The following DIAPH3 variants were observed in gnomAD, a reference collection of about 807,000 sequenced individuals.
DIAPH3 encodes the protein diaphanous related formin 3, also known as protein diaphanous homolog 3.
Under a neutral mutation model 144.3 loss-of-function variants are expected in DIAPH3, and 117 were observed. The observed-to-expected ratio is 0.81, with a 90% CI of 0.70 to 0.95. The LOEUF (loss-of-function observed/expected upper bound fraction) is 0.95, where lower values mean the gene tolerates loss of function less well. DIAPH3 is among the 40% of genes least tolerant of loss of function. DIAPH3 has a pLI of 0.00. For missense variants in DIAPH3, 1,421 were observed against 1,412.7 expected (o/e 1.01, Z -0.09); for synonymous variants, 519 against 488.9 (o/e 1.06, Z -0.81).
intron 20 of DIAPH3, among the ~76,000 whole-genome samples, chr13:59,905,743 G>C (rs1162986234): frequency 1.3e-5 from 2 of 152,150 alleles, no homozygotes; most frequent in Admixed American, 6.5e-5. Context: ...AGGAGGGTCA[G>C]AGAAGGGGTT....
chr13:59,924,028 C>T (rs1293785130), intron 18 of DIAPH3, among the ~76,000 whole-genome samples: 1 of 152,160 alleles, frequency 6.6e-6, no homozygotes, highest in Non-Finnish European at 1.5e-5. Context: ...AGACTAAAAA[C>T]CATGTTAATT....
At chr13:59,834,880 TTC>T (rs1190475523) in intron 23 of DIAPH3, among the ~76,000 whole-genome samples, 3 of 151,762 alleles carry the variant, frequency 2.0e-5, no homozygotes, top group Non-Finnish European at 4.4e-5. Context: ...TCTCATGAAT[TTC>T]TACTAGAATC....
At chr13:59,801,964 TC>T (rs2039921510) in intron 25 of DIAPH3, among the ~76,000 whole-genome samples, 1 of 152,160 alleles carries the variant, frequency 6.6e-6, no homozygotes, top group Non-Finnish European at 1.5e-5. Flanking sequence ...TTGTTTTTTT[TC>T]CCCCTCTTTG....
chr13:59,973,279 A>G (rs766526453), intron 15 of DIAPH3, among the ~76,000 whole-genome samples: 1 of 152,172 alleles, frequency 6.6e-6, no homozygotes, highest in Non-Finnish European at 1.5e-5. Flanking sequence ...ATAATTAAAA[A>G]GAAAAGAAAG....
At chr13:59,720,765 G>A in intron 27 of DIAPH3, among the ~76,000 whole-genome samples, 1 of 152,168 alleles carries the variant, frequency 6.6e-6, no homozygotes, top group East Asian at 1.9e-4. Context: ...TTGAGAAGAA[G>A]CTTAGCAGAA....
At chr13:59,698,597 A>G (rs1295228216) in intron 27 of DIAPH3, among the ~76,000 whole-genome samples, 1 of 152,248 alleles carries the variant, frequency 6.6e-6, no homozygotes, top group Non-Finnish European at 1.5e-5. Context: ...TCTTGCATAA[A>G]TATTAGAACA....
rs574061624 is a variant in DIAPH3, at chr13:59,898,246, C to G, written c.2367+13489G>C. Among the ~76,000 whole-genome samples the G allele has an allele frequency of 2.0e-5, 3 of 152,062 alleles. No individual in the cohort carries two copies. In the East Asian group the frequency reaches 5.8e-4, roughly 29 times the overall value. On this transcript the variant is annotated intron_variant, in intron 20 of 27. Transcript: ENST00000400324. ...CCACTATACACTACACACATGCATG[C>G]TCTCCTAATCTCACCACAGCTCTGT...
intron 7 of DIAPH3, among the ~76,000 whole-genome samples, chr13:60,013,832 G>GA (rs1397572305): frequency 6.6e-6 from 1 of 151,646 alleles, no homozygotes; most frequent in East Asian, 1.9e-4. Context: ...ATCTTGAAGG[G>GA]AAAAAAAACT....
chr13:59,942,665 A>G (rs972368555), intron 17 of DIAPH3, among the ~76,000 whole-genome samples: 9 of 152,206 alleles, frequency 5.9e-5, no homozygotes, highest in African/African-American at 2.2e-4. Flanking sequence ...TACTGCTGGT[A>G]GCCTTCTGAA....
chr13:60,022,059 C>T (rs1222851331), intron 5 of DIAPH3, among the ~76,000 whole-genome samples: 2 of 152,124 alleles, frequency 1.3e-5, no homozygotes, highest in Non-Finnish European at 2.9e-5. Flanking sequence ...TCTACAAGTA[C>T]ATTGCTAGTA....
chr13:59,781,095 AC>A (rs2038712223), intron 25 of DIAPH3, among the ~76,000 whole-genome samples: 1 of 152,216 alleles, frequency 6.6e-6, no homozygotes, highest in African/African-American at 2.4e-5. Context: ...TTCTTCAGCC[AC>A]GGTACAACCT....
At chr13:59,705,973 G>A (rs759931719) in intron 27 of DIAPH3, among the ~76,000 whole-genome samples, 2 of 151,516 alleles carry the variant, frequency 1.3e-5, no homozygotes, top group Non-Finnish European at 2.9e-5. Context: ...TTGTTATCTA[G>A]TAGGACTACG....
At chr13:59,978,915 T>C (rs1190150773) in intron 14 of DIAPH3, among the ~76,000 whole-genome samples, 1 of 151,764 alleles carries the variant, frequency 6.6e-6, no homozygotes, top group African/African-American at 2.4e-5. Flanking sequence ...CAATATTCTC[T>C]ATATACTTTC....
chr13:59,918,952 A>C (rs1243374422), intron 18 of DIAPH3, among the ~76,000 whole-genome samples: 10 of 152,020 alleles, frequency 6.6e-5, no homozygotes, highest in Middle Eastern at 3.4e-3. Flanking sequence ...TACAAAAAAA[A>C]AAAAAAAAAA....
At chr13:60,129,851 T>C (rs890192372) in intron 2 of DIAPH3, among the ~76,000 whole-genome samples, 1 of 152,202 alleles carries the variant, frequency 6.6e-6, no homozygotes, top group Non-Finnish European at 1.5e-5. Context: ...CCAGCTACCC[T>C]TTCCCTTCTC....
intron 17 of DIAPH3, among the ~76,000 whole-genome samples, chr13:59,957,616 C>T (rs1319540694): frequency 6.6e-6 from 1 of 152,098 alleles, no homozygotes; most frequent in Non-Finnish European, 1.5e-5. Context: ...GTTTTTCTTG[C>T]TATTAGTACT....
intron 23 of DIAPH3, among the ~76,000 whole-genome samples, chr13:59,836,258 G>A (rs7986379): frequency 0.44 from 66,279 of 151,466 alleles, 15,949 homozygotes; most frequent in Non-Finnish European, 0.53. Flanking sequence ...AAAGGAACAA[G>A]CACTACATGA....
chr13:60,025,885 G>A (rs1265612601), intron 5 of DIAPH3, among the ~76,000 whole-genome samples: 2 of 151,932 alleles, frequency 1.3e-5, no homozygotes. Context: ...TATTAGAGGA[G>A]CAATGAAGAT....
intron 4 of DIAPH3, chr13:60,044,487 GCA>G (rs2055920441): frequency 6.6e-6 from 1 of 152,068 alleles, no homozygotes; most frequent in South Asian, 2.1e-4. Context: ...TATTTTTACC[GCA>G]GTCACTGATA....
Sources: gnomAD v4.1 joint callset for allele counts (sites outside exome capture counted in the v4.1 genomes callset) on GRCh38, gnomAD v4.1.1 for gene constraint, MANE v1.5 for transcripts, NCBI Gene and HGNC (gene_info 2026-07-23, HGNC 2026-07-21) for gene names.